Variants in EYA2 observed in about 807,000 individuals in gnomAD.
EYA2 encodes protein phosphatase EYA2.
EYA2 carries 31 observed loss-of-function variants against 69.2 expected under a neutral mutation model. The observed-to-expected ratio is 0.45, with a 90% CI of 0.34 to 0.60. The LOEUF is 0.60. Ranked by LOEUF, EYA2 falls within the 20% of genes least tolerant of loss-of-function variation. The pLI is 0.02. For synonymous variants in EYA2, 257 were observed against 279.4 expected (o/e 0.92, Z 0.80); for missense variants, 622 against 701.2 (o/e 0.89, Z 1.28).
intron 1 of EYA2, among the ~76,000 whole-genome samples, chr20:46,953,528 T>C (rs893566052): frequency 7.2e-5 from 11 of 152,024 alleles, no homozygotes; most frequent in African/African-American, 2.7e-4. Flanking sequence ...AGGTTTAGAG[T>C]TGGCCTTGAG....
chr20:47,088,399 G>T (rs531085083), intron 7 of EYA2, among the ~76,000 whole-genome samples: 1 of 152,254 alleles, frequency 6.6e-6, no homozygotes, highest in South Asian at 2.1e-4. Flanking sequence ...AATACGTGTT[G>T]CCCTCCTTCT....
chr20:47,023,843 G>T (rs1232544311), intron 5 of EYA2, among the ~76,000 whole-genome samples: 1 of 151,966 alleles, frequency 6.6e-6, no homozygotes, highest in African/African-American at 2.4e-5. Flanking sequence ...TTGCCATGTT[G>T]GCCAGGCTGG....
intron 7 of EYA2, among the ~76,000 whole-genome samples, chr20:47,074,848 A>G (rs1191150233): frequency 6.6e-6 from 1 of 152,224 alleles, no homozygotes; most frequent in Non-Finnish European, 1.5e-5. Context: ...ACGGTGGCTC[A>G]CACCTGTAAT....
At chr20:47,077,967 G>A (rs929131616) in intron 7 of EYA2, among the ~76,000 whole-genome samples, 1 of 152,198 alleles carries the variant, frequency 6.6e-6, no homozygotes, top group Non-Finnish European at 1.5e-5. Flanking sequence ...AAACCATCGA[G>A]TAGATGCCAC....
At chr20:47,075,766 T>C (rs976039191) in intron 7 of EYA2, among the ~76,000 whole-genome samples, 5 of 152,202 alleles carry the variant, frequency 3.3e-5, no homozygotes, top group Admixed American at 3.3e-4. Flanking sequence ...AAATTGCATG[T>C]CGTGGAGGTT....
intron 1 of EYA2, among the ~76,000 whole-genome samples, chr20:46,968,924 G>A (rs796215730): frequency 4.6e-5 from 7 of 152,256 alleles, no homozygotes; most frequent in African/African-American, 1.7e-4. Flanking sequence ...ACAGTATTAC[G>A]TATCTCATGG....
intron 1 of EYA2, among the ~76,000 whole-genome samples, chr20:46,954,434 A>G (rs1978993844): frequency 6.6e-6 from 1 of 152,244 alleles, no homozygotes; most frequent in Admixed American, 6.5e-5. Context: ...TAAAGAAGCA[A>G]TGTCTCAACC....
At chr20:47,154,019 A>T (rs1475487814) in intron 10 of EYA2, among the ~76,000 whole-genome samples, 1 of 152,034 alleles carries the variant, frequency 6.6e-6, no homozygotes, top group African/African-American at 2.4e-5. Context: ...CCATTATACT[A>T]GTCTGCTCAG....
intron 9 of EYA2, among the ~76,000 whole-genome samples, chr20:47,141,223 T>C (rs1029774888): frequency 6.8e-6 from 1 of 147,088 alleles, no homozygotes; most frequent in Admixed American, 6.6e-5. Flanking sequence ...TTCATAGATA[T>C]TAGCCAGGAA....
At chr20:47,119,476 G>A (rs184300001) in intron 9 of EYA2, among the ~76,000 whole-genome samples, 4 of 152,338 alleles carry the variant, frequency 2.6e-5, no homozygotes, top group South Asian at 2.1e-4. Flanking sequence ...AGTCATACTC[G>A]TGGAATATGA....
chr20:46,904,782 C>T (rs1485825829), intron 1 of EYA2, among the ~76,000 whole-genome samples: 1 of 152,164 alleles, frequency 6.6e-6, no homozygotes, highest in Non-Finnish European at 1.5e-5. Flanking sequence ...ATGAGCAAAC[C>T]TAATCTAAGT....
intron 5 of EYA2, among the ~76,000 whole-genome samples, chr20:47,038,838 C>T (rs918518966): frequency 7.9e-5 from 12 of 152,150 alleles, no homozygotes; most frequent in African/African-American, 2.7e-4. Flanking sequence ...AGATACCTCA[C>T]GTAAGTGGAA....
intron 5 of EYA2, among the ~76,000 whole-genome samples, chr20:47,037,989 A>G (rs993561285): frequency 6.6e-6 from 1 of 152,242 alleles, no homozygotes; most frequent in Non-Finnish European, 1.5e-5. Context: ...TCTGCTGTGC[A>G]GCAGAATTAG....
At chr20:46,901,679 C>G (rs1984118692) in intron 1 of EYA2, 1 of 152,234 alleles carries the variant, frequency 6.6e-6, no homozygotes, top group Admixed American at 6.5e-5. Context: ...TCTGCGTGTC[C>G]TTCTTGGTTG....
intron 1 of EYA2, among the ~76,000 whole-genome samples, chr20:46,941,355 G>A (rs1986147255): frequency 6.6e-6 from 1 of 152,230 alleles, no homozygotes. Flanking sequence ...GAAGTAGAAC[G>A]AAACTCCTAA....
At chr20:47,106,131 A>G (rs1490461795) in intron 9 of EYA2, among the ~76,000 whole-genome samples, 1 of 152,154 alleles carries the variant, frequency 6.6e-6, no homozygotes, top group African/African-American at 2.4e-5. Flanking sequence ...TAGAGCTTTT[A>G]TTAACTTTTT....
At chr20:47,099,379 A>G (rs2032358890) in intron 9 of EYA2, among the ~76,000 whole-genome samples, 1 of 152,178 alleles carries the variant, frequency 6.6e-6, no homozygotes, top group African/African-American at 2.4e-5. Context: ...AAAAACTTAA[A>G]AATTAGCCTG....
intron 5 of EYA2, among the ~76,000 whole-genome samples, chr20:47,069,510 G>A (rs2031234828): frequency 6.6e-6 from 1 of 151,998 alleles, no homozygotes; most frequent in African/African-American, 2.4e-5. Flanking sequence ...TCACCATAAA[G>A]CTTCAGTAAT....
At chr20:47,080,402 A>G (rs1484157900) in intron 7 of EYA2, among the ~76,000 whole-genome samples, 2 of 139,930 alleles carry the variant, frequency 1.4e-5, no homozygotes, top group Non-Finnish European at 3.1e-5. Flanking sequence ...CAATTACCAC[A>G]GGTATCAGGT....
Sources: allele counts gnomAD v4.1 joint callset (sites outside exome capture counted in the v4.1 genomes callset), GRCh38; gene constraint gnomAD v4.1.1; transcripts MANE v1.5; gene names NCBI Gene and HGNC (gene_info 2026-07-23, HGNC 2026-07-21).